The following CPNE4 variants were observed in gnomAD, a reference collection of about 807,000 sequenced individuals.
CPNE4 encodes copine 4.
Under a neutral mutation model 67.9 loss-of-function variants are expected in CPNE4, and 25 were observed. That is an observed-to-expected ratio of 0.37 (90% CI 0.27 to 0.51). The LOEUF is 0.51. CPNE4 is among the 20% of genes least tolerant of loss of function. CPNE4 has a pLI of 0.93. For missense variants in CPNE4, 464 were observed against 690.8 expected (o/e 0.67, Z 3.68); for synonymous variants, 242 against 244.9 (o/e 0.99, Z 0.11).
intron 2 of CPNE4, among the ~76,000 whole-genome samples, chr3:131,875,492 T>C: frequency 6.6e-6 from 1 of 152,116 alleles, no homozygotes; most frequent in Non-Finnish European, 1.5e-5. Flanking sequence ...CATGGAATAC[T>C]ATGCAGCCAT....
intron 2 of CPNE4, among the ~76,000 whole-genome samples, chr3:131,838,218 G>T (rs1364849073): frequency 6.6e-6 from 1 of 151,768 alleles, no homozygotes; most frequent in Non-Finnish European, 1.5e-5. Flanking sequence ...TAATACATTT[G>T]ACAAAATTAT....
chr3:131,685,450 C>T (rs954350168), intron 6 of CPNE4, among the ~76,000 whole-genome samples: 3 of 151,128 alleles, frequency 2.0e-5, no homozygotes, highest in Non-Finnish European at 2.9e-5. Context: ...CTTGAGGACA[C>T]TGAAGATTTC....
At chr3:131,894,450 G>A (rs555057419) in intron 2 of CPNE4, among the ~76,000 whole-genome samples, 1 of 151,664 alleles carries the variant, frequency 6.6e-6, no homozygotes, top group South Asian at 2.1e-4. Flanking sequence ...ACAGAATGGG[G>A]TAAAATATTT....
At chr3:131,592,586 G>A (rs910669220) in intron 7 of CPNE4, among the ~76,000 whole-genome samples, 5 of 151,594 alleles carry the variant, frequency 3.3e-5, no homozygotes, top group Non-Finnish European at 5.9e-5. Flanking sequence ...GAACCCAGGT[G>A]TCTAATGTCA....
At chr3:131,602,662 CT>C (rs1939272698) in intron 7 of CPNE4, among the ~76,000 whole-genome samples, 1 of 152,168 alleles carries the variant, frequency 6.6e-6, no homozygotes, top group South Asian at 2.1e-4. Flanking sequence ...AGGACTGAAA[CT>C]CCCATGGTTG....
chr3:131,885,236 T>A (rs1034545426), intron 2 of CPNE4, among the ~76,000 whole-genome samples: 5 of 152,160 alleles, frequency 3.3e-5, no homozygotes, highest in African/African-American at 1.2e-4. Flanking sequence ...TCCTGTTATG[T>A]TTTAGCAAAA....
intron 3 of CPNE4, among the ~76,000 whole-genome samples, chr3:131,713,789 G>T (rs947278622): frequency 2.2e-4 from 34 of 151,808 alleles, no homozygotes; most frequent in Non-Finnish European, 1.0e-4. Context: ...TTAGAAGTTA[G>T]AAAAAAAGAG....
chr3:131,795,709 C>T (rs2107895399), intron 2 of CPNE4, among the ~76,000 whole-genome samples: 1 of 152,286 alleles, frequency 6.6e-6, no homozygotes, highest in East Asian at 1.9e-4. Context: ...AAAACACCAC[C>T]CTCGGGTCAC....
At chr3:131,724,611 C>CT (rs2081961809) in intron 2 of CPNE4, among the ~76,000 whole-genome samples, 1 of 152,120 alleles carries the variant, frequency 6.6e-6, no homozygotes, top group Non-Finnish European at 1.5e-5. Flanking sequence ...AGGCATGCCT[C>CT]TATACACACA....
At chr3:131,958,971 T>TAAGTTTCAATTATCCTA (rs1560682558) in intron 1 of CPNE4, among the ~76,000 whole-genome samples, 89 of 20,722 alleles carry the variant, frequency 4.3e-3, no homozygotes, top group South Asian at 9.6e-3. Flanking sequence ...TACACCTTTC[T>TAAGTTTCAATTATCCTA]TTTTTTTTTT....
At chr3:131,542,441 G>T in intron 15 of CPNE4, 116 bp downstream of exon 15, 1 of 773,726 alleles carries the variant, frequency 1.3e-6, no homozygotes. Context: ...GTAGAGCATA[G>T]CTGGTGTTGC....
chr3:131,921,369 C>G (rs1159935522), intron 1 of CPNE4, among the ~76,000 whole-genome samples: 1 of 152,134 alleles, frequency 6.6e-6, no homozygotes, highest in East Asian at 1.9e-4. Context: ...CTCTCTTTAT[C>G]CCTAAGACCC....
At chr3:132,028,938 T>A (rs6803146) in intron 1 of CPNE4, among the ~76,000 whole-genome samples, 2,377 of 145,806 alleles carry the variant, frequency 0.016, 76 homozygotes, top group African/African-American at 0.056. Context: ...TTTTTTTTTT[T>A]AAAGGGTGAA....
Position 131,712,040 on chromosome 3 carries a change from G to A in CPNE4, c.360+11406C>T, listed in dbSNP as rs552517277. ...CACAGAAAGCACAGCTTCAGCAAAT[G>A]CCTCCCCCAAAAGGATTTCCTGTAA... On this transcript the variant is annotated intron_variant, in intron 3 of 15. Transcript: ENST00000429747. 2.6e-5 allele frequency among the ~76,000 whole-genome samples: 4 copies of A among 152,232 alleles called. No homozygotes were observed. In the East Asian group the frequency reaches 5.8e-4, roughly 22 times the overall value.
At chr3:131,900,059 T>A (rs1030133221) in intron 2 of CPNE4, among the ~76,000 whole-genome samples, 5 of 150,846 alleles carry the variant, frequency 3.3e-5, no homozygotes, top group South Asian at 2.1e-4. Context: ...GTAGGTGGAG[T>A]GGGGAGGGGG....
chr3:131,793,687 T>A (rs1166674845), intron 2 of CPNE4, among the ~76,000 whole-genome samples: 1 of 152,332 alleles, frequency 6.6e-6, no homozygotes, highest in African/African-American at 2.4e-5. Flanking sequence ...ATTTCCTCTT[T>A]CTGGAATATT....
intron 1 of CPNE4, among the ~76,000 whole-genome samples, chr3:131,917,798 C>T (rs17394835): frequency 5.0e-4 from 76 of 152,276 alleles, no homozygotes; most frequent in Admixed American, 2.4e-3. Flanking sequence ...CAGGGCAAGA[C>T]TGTGGAAGAC....
At chr3:132,033,922 T>C (rs1430095686) in intron 1 of CPNE4, among the ~76,000 whole-genome samples, 2 of 152,232 alleles carry the variant, frequency 1.3e-5, no homozygotes, top group Non-Finnish European at 2.9e-5. Context: ...TCCCGTCCCC[T>C]GTCCCCGTCC....
intron 3 of CPNE4, among the ~76,000 whole-genome samples, chr3:131,708,058 C>T (rs933259909): frequency 6.8e-6 from 1 of 146,180 alleles, no homozygotes; most frequent in African/African-American, 2.6e-5. Context: ...AATAAATCCC[C>T]ATGTAGAGAT....
Sources: allele counts gnomAD v4.1 joint callset (sites outside exome capture counted in the v4.1 genomes callset), GRCh38; gene constraint gnomAD v4.1.1; transcripts MANE v1.5; gene names NCBI Gene and HGNC (gene_info 2026-07-23, HGNC 2026-07-21).